NTN1: variants seen among roughly 807,000 people sequenced by gnomAD.
NTN1 encodes the protein netrin 1.
In NTN1, 11 loss-of-function variants were observed where a neutral mutation model predicts 54.2. That is an observed-to-expected ratio of 0.20 (90% CI 0.13 to 0.34). The LOEUF is 0.34. NTN1 is among the 10% of genes least tolerant of loss of function. The probability of loss-of-function intolerance (pLI) is 1.00; values close to 1 mark genes in which losing one functional copy is unlikely to be tolerated. For missense variants in NTN1, 740 were observed against 893.1 expected (o/e 0.83, Z 2.18); for synonymous variants, 371 against 382.0 (o/e 0.97, Z 0.33).
At chr17:9,131,798 CT>C (rs945510139) in intron 2 of NTN1, among the ~76,000 whole-genome samples, 2 of 151,060 alleles carry the variant, frequency 1.3e-5, no homozygotes, top group African/African-American at 2.4e-5. Flanking sequence ...GCCCTTGATG[CT>C]TTTTTTTATT....
At chr17:9,133,643 A>G (rs1348074482) in intron 2 of NTN1, among the ~76,000 whole-genome samples, 2 of 135,980 alleles carry the variant, frequency 1.5e-5, no homozygotes, top group Non-Finnish European at 3.0e-5. Flanking sequence ...GCTGGAGTGT[A>G]GTGGCACAAT....
intron 5 of NTN1, among the ~76,000 whole-genome samples, chr17:9,202,559 G>A (rs1904830447): frequency 6.6e-6 from 1 of 152,164 alleles, no homozygotes; most frequent in African/African-American, 2.4e-5. Flanking sequence ...CTTGCCGGTG[G>A]GGGGACTTCA....
chr17:9,022,434 G>C lies in NTN1; in HGVS notation c.61G>C (p.Ala21Pro). The C allele has an allele frequency of 7.3e-7, 1 of 1,374,420 alleles. No homozygotes were observed. The highest frequency in any genetic ancestry group is 9.3e-7 in the Non-Finnish European group (1 of 1,073,618). The allele number at this position is 1,374,420 out of a possible 1,614,324, so 85.1% of individuals were successfully genotyped here. A position where few individuals can be genotyped will look rare whatever the true frequency, so the allele number is the denominator to read the frequency against. Residue 21 changes from alanine to proline, a missense_variant, in exon 2 of 7, where the codon GCG becomes CCG. Transcript: ENST00000173229. ...ALAAVACLVG[A>P]VRGGPGLSMF... ...GGCGGCGGTGGCGTGCCTGGTGGGCGCGGTGCGCGGCGGGCCCGGGCTCAG... is the reference window on the plus strand; with the variant it reads ...GGCGGCGGTGGCGTGCCTGGTGGGCCCGGTGCGCGGCGGGCCCGGGCTCAG...
upstream of NTN1, among the ~76,000 whole-genome samples, chr17:9,018,171 T>G (rs1225519984): frequency 6.6e-6 from 1 of 152,054 alleles, no homozygotes; most frequent in Non-Finnish European, 1.5e-5. Flanking sequence ...CACCAGGAAC[T>G]ACTAAAGATG....
At chr17:9,215,406 C>T (rs1459940475) in intron 5 of NTN1, among the ~76,000 whole-genome samples, 1 of 152,118 alleles carries the variant, frequency 6.6e-6, no homozygotes, top group Non-Finnish European at 1.5e-5. Flanking sequence ...TCTATGTTTA[C>T]TGGTTTCAGT....
chr17:9,098,611 C>T (rs2092139671), intron 2 of NTN1, among the ~76,000 whole-genome samples: 1 of 152,178 alleles, frequency 6.6e-6, no homozygotes, highest in Admixed American at 6.5e-5. Context: ...ATGATCTGGA[C>T]TGGAGCAGAC....
intron 2 of NTN1, among the ~76,000 whole-genome samples, chr17:9,070,239 A>G (rs2092028101): frequency 6.6e-6 from 1 of 152,148 alleles, no homozygotes; most frequent in South Asian, 2.1e-4. Flanking sequence ...AAATGAGTTA[A>G]TTCAGGGGCT....
intron 2 of NTN1, among the ~76,000 whole-genome samples, chr17:9,155,967 C>A (rs370708148): frequency 8.5e-5 from 13 of 152,318 alleles, no homozygotes; most frequent in African/African-American, 2.9e-4. Context: ...AACACTGCCC[C>A]CTCTCCCTCA....
intron 2 of NTN1, among the ~76,000 whole-genome samples, chr17:9,153,021 C>T (rs923513580): frequency 6.6e-6 from 1 of 152,174 alleles, no homozygotes; most frequent in Non-Finnish European, 1.5e-5. Flanking sequence ...GTAATCCAAG[C>T]ACTTTGGGAG....
intron 2 of NTN1, among the ~76,000 whole-genome samples, chr17:9,113,928 C>T (rs540996041): frequency 3.3e-5 from 5 of 151,270 alleles, no homozygotes; most frequent in East Asian, 3.9e-4. Flanking sequence ...TTTGGGAGGC[C>T]GAGGTGGGCG....
intron 2 of NTN1, among the ~76,000 whole-genome samples, chr17:9,125,198 A>T (rs1209732950): frequency 1.3e-5 from 2 of 150,328 alleles, no homozygotes; most frequent in African/African-American, 2.5e-5. Context: ...AGTAGCTGGG[A>T]CTACAGATGC....
At chr17:9,117,399 G>A (rs1246332257) in intron 2 of NTN1, among the ~76,000 whole-genome samples, 28 of 152,190 alleles carry the variant, frequency 1.8e-4, no homozygotes, top group Admixed American at 1.8e-3. Flanking sequence ...CATGAGGACA[G>A]GTGGTTCACA....
intron 2 of NTN1, among the ~76,000 whole-genome samples, chr17:9,131,831 T>G (rs888559931): frequency 2.0e-5 from 3 of 151,974 alleles, no homozygotes; most frequent in African/African-American, 7.3e-5. Context: ...TAAGACGGAG[T>G]CTTGCTCTGT....
At chr17:9,105,496 C>T (rs551540993) in intron 2 of NTN1, among the ~76,000 whole-genome samples, 13 of 152,262 alleles carry the variant, frequency 8.5e-5, no homozygotes, top group East Asian at 3.9e-4. Flanking sequence ...CCTGTGGAGA[C>T]GGCTTTGTTA....
At chr17:9,036,036 T>G (rs1381700363) in intron 2 of NTN1, among the ~76,000 whole-genome samples, 1 of 151,964 alleles carries the variant, frequency 6.6e-6, no homozygotes, top group Non-Finnish European at 1.5e-5. Context: ...AAGAAAAAAT[T>G]ATTTGTAGAG....
chr17:9,057,262 G>A (rs920509451), intron 2 of NTN1, among the ~76,000 whole-genome samples: 106 of 151,948 alleles, frequency 7.0e-4, no homozygotes, highest in African/African-American at 2.4e-3. Flanking sequence ...GGACCAACAT[G>A]TACAGCATTA....
intron 2 of NTN1, among the ~76,000 whole-genome samples, chr17:9,095,888 C>T (rs1487613680): frequency 1.3e-5 from 2 of 152,020 alleles, no homozygotes; most frequent in Non-Finnish European, 2.9e-5. Context: ...CAACCTCTGC[C>T]TCCCGGGTTC....
chr17:9,029,508 A>G (rs927158862), intron 2 of NTN1, among the ~76,000 whole-genome samples: 1 of 152,166 alleles, frequency 6.6e-6, no homozygotes. Flanking sequence ...GTTGTTCTGA[A>G]TAGTACTTGA....
Position 9,116,117 on chromosome 17 carries a change from C to A in NTN1, c.1019-46696C>A, listed in dbSNP as rs2092211257. Among the ~76,000 whole-genome samples the A allele has an allele frequency of 1.3e-5, 2 of 152,230 alleles. 1 individual carries two copies. Among genetic ancestry groups the A allele is most frequent in the Admixed American group, 1.3e-4 (2 of 15,290 alleles). On this transcript the variant is annotated intron_variant, in intron 2 of 6. Transcript: ENST00000173229. ...CGAACACATTGCCTCTTGGTCCTAG[C>A]CAGGGCTCTGCTGTTCCTGGAGGAG... is the stretch of plus-strand genomic sequence containing the variant.
Sources: gnomAD v4.1 joint callset for allele counts (sites outside exome capture counted in the v4.1 genomes callset) on GRCh38, gnomAD v4.1.1 for gene constraint, MANE v1.5 for transcripts, NCBI Gene and HGNC (gene_info 2026-07-23, HGNC 2026-07-21) for gene names.